Variants in LDLRAD3 observed in about 807,000 individuals in gnomAD.
LDLRAD3 encodes low density lipoprotein receptor class A domain containing 3.
Under a neutral mutation model 29.4 loss-of-function variants are expected in LDLRAD3, and 20 were observed. The observed-to-expected ratio is 0.68, with a 90% confidence interval of 0.48 to 0.99. The LOEUF (loss-of-function observed/expected upper bound fraction) is 0.99, where lower values mean the gene tolerates loss of function less well. LDLRAD3 is among the 50% of genes least tolerant of loss of function. LDLRAD3 has a pLI of 0.00. For synonymous variants in LDLRAD3, 157 were observed against 192.7 expected (o/e 0.81, Z 1.53); for missense variants, 420 against 454.3 (o/e 0.92, Z 0.69).
chr11:36,123,621 G>T (rs981657211), intron 4 of LDLRAD3, among the ~76,000 whole-genome samples: 10 of 152,234 alleles, frequency 6.6e-5, no homozygotes, highest in Non-Finnish European at 1.0e-4. Flanking sequence ...CAAGTGCACG[G>T]GTGTGGAAAG....
chr11:36,073,325 A>G (rs1852938590), intron 2 of LDLRAD3, among the ~76,000 whole-genome samples: 1 of 152,266 alleles, frequency 6.6e-6, no homozygotes, highest in South Asian at 2.1e-4. Flanking sequence ...TTTGTGGACC[A>G]GATCCTTGAG....
At chr11:36,057,392 C>T (rs1565191225) in intron 2 of LDLRAD3, among the ~76,000 whole-genome samples, 2 of 152,312 alleles carry the variant, frequency 1.3e-5, no homozygotes, top group South Asian at 2.1e-4. Context: ...CCTCATCTTT[C>T]GTCTGTCCCT....
intron 3 of LDLRAD3, among the ~76,000 whole-genome samples, chr11:36,096,634 C>A (rs1260452590): frequency 6.6e-6 from 1 of 152,264 alleles, no homozygotes; most frequent in East Asian, 1.9e-4. Context: ...CCACGGATAT[C>A]ATTTGATGTG....
chr11:36,111,348 C>T (rs1853602104), intron 4 of LDLRAD3, among the ~76,000 whole-genome samples: 1 of 152,050 alleles, frequency 6.6e-6, no homozygotes, highest in Non-Finnish European at 1.5e-5. Flanking sequence ...GGGATATCCT[C>T]CCCCTCCTGC....
intron 3 of LDLRAD3, among the ~76,000 whole-genome samples, chr11:36,097,430 C>T (rs1317664944): frequency 6.6e-6 from 1 of 152,190 alleles, no homozygotes; most frequent in East Asian, 1.9e-4. Context: ...CCATGTGTCC[C>T]TTATGCTACC....
intron 1 of LDLRAD3, among the ~76,000 whole-genome samples, chr11:35,961,372 G>A (rs766430377): frequency 6.6e-5 from 10 of 152,200 alleles, no homozygotes; most frequent in Non-Finnish European, 1.2e-4. Flanking sequence ...ACAGTCTGAG[G>A]TCAGATCCTG....
intron 4 of LDLRAD3, among the ~76,000 whole-genome samples, chr11:36,168,914 C>T (rs1232272200): frequency 1.3e-5 from 2 of 152,148 alleles, no homozygotes; most frequent in Non-Finnish European, 2.9e-5. Context: ...CAGAACACAG[C>T]CCACATCATG....
intron 1 of LDLRAD3, among the ~76,000 whole-genome samples, chr11:36,012,353 A>T (rs1473563570): frequency 6.6e-6 from 1 of 152,166 alleles, no homozygotes; most frequent in Non-Finnish European, 1.5e-5. Context: ...ACAGATAGAA[A>T]ATTTTTTCTC....
At chr11:36,078,762 GC>G in intron 2 of LDLRAD3, among the ~76,000 whole-genome samples, 1 of 152,170 alleles carries the variant, frequency 6.6e-6, no homozygotes. Context: ...CTCTCTGCCT[GC>G]CTCTCCATGA....
At chr11:36,192,537 A>G (rs1196869054) in intron 4 of LDLRAD3, among the ~76,000 whole-genome samples, 2 of 152,208 alleles carry the variant, frequency 1.3e-5, no homozygotes, top group Non-Finnish European at 2.9e-5. Context: ...GTCACACACA[A>G]AGCATCACAA....
At chr11:36,045,193 A>T (rs1476387614) in intron 2 of LDLRAD3, among the ~76,000 whole-genome samples, 1 of 152,236 alleles carries the variant, frequency 6.6e-6, no homozygotes, top group Non-Finnish European at 1.5e-5. Flanking sequence ...GCACCCACCT[A>T]CATACAGACG....
At chr11:36,214,995 C>A (rs991350518) in intron 4 of LDLRAD3, among the ~76,000 whole-genome samples, 1 of 152,062 alleles carries the variant, frequency 6.6e-6, no homozygotes, top group Admixed American at 6.6e-5. Context: ...ATAGAATGTA[C>A]AATGACAGGC....
chr11:36,147,680 C>T (rs1854217932), intron 4 of LDLRAD3, among the ~76,000 whole-genome samples: 1 of 152,146 alleles, frequency 6.6e-6, no homozygotes, highest in Non-Finnish European at 1.5e-5. Flanking sequence ...AATATCTCCT[C>T]ATGGGGCTGT....
intron 2 of LDLRAD3, among the ~76,000 whole-genome samples, chr11:36,058,404 T>C (rs1852652743): frequency 1.3e-5 from 2 of 152,214 alleles, no homozygotes; most frequent in Non-Finnish European, 1.5e-5. Flanking sequence ...CATTTGCTTA[T>C]AGGTCTGCGT....
chr11:36,075,722 A>T (rs1852988102), intron 2 of LDLRAD3, among the ~76,000 whole-genome samples: 1 of 152,206 alleles, frequency 6.6e-6, no homozygotes, highest in Non-Finnish European at 1.5e-5. Flanking sequence ...AATAAGGAAG[A>T]ACTTTCCTTT....
Position 36,072,759 on chromosome 11 carries a change from C to T in LDLRAD3, c.194-8894C>T, listed in dbSNP as rs192494669. On this transcript the variant is annotated intron_variant, in intron 2 of 5. Transcript: ENST00000315571. ...GAACGTGAGAATTAGTTACTGAGTG[C>T]ACCTATGTGGACTGCCTGTGTGCCC... Among the ~76,000 whole-genome samples the T allele has an allele frequency of 4.4e-4, 67 of 152,316 alleles. 1 individual carries two copies. The highest frequency in any genetic ancestry group is 7.9e-4 in the Non-Finnish European group (54 of 68,026).
At chr11:35,982,637 C>T (rs1426190516) in intron 1 of LDLRAD3, among the ~76,000 whole-genome samples, 1 of 152,154 alleles carries the variant, frequency 6.6e-6, no homozygotes, top group Non-Finnish European at 1.5e-5. Context: ...AAAATCCACT[C>T]AAGGGCATGT....
intron 1 of LDLRAD3, chr11:35,967,585 C>T (rs1477338196): frequency 7.0e-6 from 3 of 428,602 alleles, no homozygotes; most frequent in Non-Finnish European, 1.4e-5. Context: ...TTTTATATAT[C>T]ACATGGGCAG....
At chr11:35,950,257 G>A (rs1851114333) in intron 1 of LDLRAD3, among the ~76,000 whole-genome samples, 1 of 152,160 alleles carries the variant, frequency 6.6e-6, no homozygotes, top group Non-Finnish European at 1.5e-5. Context: ...CCGTGAAGAT[G>A]TCACAGTGCC....
Sources: gnomAD v4.1 joint callset for allele counts (sites outside exome capture counted in the v4.1 genomes callset) on GRCh38, gnomAD v4.1.1 for gene constraint, MANE v1.5 for transcripts, NCBI Gene and HGNC (gene_info 2026-07-23, HGNC 2026-07-21) for gene names.